The following L3MBTL4 variants were observed in gnomAD, a reference collection of about 807,000 sequenced individuals.
The protein encoded by L3MBTL4 is L3MBTL histone methyl-lysine binding protein 4, also known as lethal(3)malignant brain tumor-like protein 4.
Under a neutral mutation model 84.5 loss-of-function variants are expected in L3MBTL4, and 70 were observed. The observed-to-expected ratio is 0.83, with a 90% CI of 0.68 to 1.01. The LOEUF (loss-of-function observed/expected upper bound fraction) is 1.01, where lower values mean the gene tolerates loss of function less well. L3MBTL4 is among the 50% of genes least tolerant of loss of function. L3MBTL4 has a pLI of 0.00. For missense variants in L3MBTL4, 715 were observed against 754.8 expected (o/e 0.95, Z 0.62); for synonymous variants, 274 against 259.8 (o/e 1.05, Z -0.52).
intron 1 of L3MBTL4, among the ~76,000 whole-genome samples, chr18:6,334,656 G>A (rs2052234825): frequency 6.6e-6 from 1 of 152,030 alleles, no homozygotes; most frequent in Admixed American, 6.5e-5. Flanking sequence ...GCAGCTTACA[G>A]GCAATAATAT....
chr18:6,404,369 C>G (rs2055636271), intron 1 of L3MBTL4, among the ~76,000 whole-genome samples: 1 of 152,292 alleles, frequency 6.6e-6, no homozygotes, highest in African/African-American at 2.4e-5. Flanking sequence ...GCATAGGGGA[C>G]AAGTGCACCC....
rs192854637 is a variant in L3MBTL4 at position 6,117,767 on chromosome 18, T to C, written c.1199+20427A>G. Among the ~76,000 whole-genome samples, 1,158 of 152,344 alleles carry C rather than the reference T, an allele frequency of 7.6e-3. 5 individuals carry two copies. Among genetic ancestry groups the C allele is most frequent in the Non-Finnish European group, 0.013 (857 of 68,040 alleles). On this transcript the variant is annotated intron_variant, in intron 14 of 18. Transcript: ENST00000317931. ...TATTTGAAGTATCAAAAAAAGACAT[T>C]CTTAATAGATTATTAACAATAAAAC...
At chr18:6,263,821 C>A in intron 5 of L3MBTL4, 126 bp downstream of exon 5, 2 of 762,166 alleles carry the variant, frequency 2.6e-6, no homozygotes, top group South Asian at 1.5e-5. Flanking sequence ...TTTGTGGGGT[C>A]ATTTTCCAGC....
chr18:6,081,119 C>T (rs1021995559), intron 15 of L3MBTL4, 168 bp from the exon 16 acceptor site: 1 of 493,212 alleles, frequency 2.0e-6, no homozygotes, highest in Non-Finnish European at 3.5e-6. Context: ...ATTTTAAAAA[C>T]ACACTTCTGT....
At chr18:6,050,701 A>G (rs1255483687) in intron 16 of L3MBTL4, among the ~76,000 whole-genome samples, 1 of 152,080 alleles carries the variant, frequency 6.6e-6, no homozygotes, top group Non-Finnish European at 1.5e-5. Context: ...TCCGTTTTTT[A>G]ATGAAATTTT....
At chr18:6,350,188 T>A (rs1160431273) in intron 1 of L3MBTL4, among the ~76,000 whole-genome samples, 1 of 152,158 alleles carries the variant, frequency 6.6e-6, no homozygotes. Context: ...CCTCACGGCA[T>A]TGGATTTGGC....
At chr18:6,387,164 G>A (rs1408444694) in intron 1 of L3MBTL4, among the ~76,000 whole-genome samples, 1 of 152,174 alleles carries the variant, frequency 6.6e-6, no homozygotes, top group Non-Finnish European at 1.5e-5. Flanking sequence ...GGCTGGGCCT[G>A]ATCAAAAATC....
intron 16 of L3MBTL4, among the ~76,000 whole-genome samples, chr18:5,985,989 C>T (rs1447043686): frequency 6.6e-6 from 1 of 152,088 alleles, no homozygotes; most frequent in South Asian, 2.1e-4. Context: ...GACCAGCAAC[C>T]AGGGGTGCTG....
chr18:6,228,358 CA>C (rs1219019490), intron 10 of L3MBTL4, among the ~76,000 whole-genome samples: 1 of 151,810 alleles, frequency 6.6e-6, no homozygotes, highest in Non-Finnish European at 1.5e-5. Flanking sequence ...TCTTAGTACA[CA>C]AAAAAGCTGA....
intron 1 of L3MBTL4, among the ~76,000 whole-genome samples, chr18:6,344,589 A>T (rs776773059): frequency 1.3e-5 from 2 of 152,204 alleles, no homozygotes. Context: ...ATTCCAATAT[A>T]CTAAAATTAC....
intron 5 of L3MBTL4, among the ~76,000 whole-genome samples, chr18:6,246,227 T>G (rs922918082): frequency 1.3e-5 from 2 of 152,208 alleles, no homozygotes; most frequent in African/African-American, 4.8e-5. Context: ...ATTCAGAAAC[T>G]TGTTCTCTCT....
chr18:6,000,427 C>T (rs1226434710), intron 16 of L3MBTL4, among the ~76,000 whole-genome samples: 4 of 151,928 alleles, frequency 2.6e-5, no homozygotes, highest in Admixed American at 6.6e-5. Flanking sequence ...AGATGGAACT[C>T]GAAGGAGCAG....
intron 5 of L3MBTL4, among the ~76,000 whole-genome samples, chr18:6,254,593 C>A (rs1190543399): frequency 6.6e-6 from 1 of 151,990 alleles, no homozygotes; most frequent in Non-Finnish European, 1.5e-5. Flanking sequence ...GAACATTTTT[C>A]ATAGATTAAT....
chr18:6,182,772 C>T (rs1181875897), intron 12 of L3MBTL4, among the ~76,000 whole-genome samples: 1 of 140,646 alleles, frequency 7.1e-6, no homozygotes, highest in African/African-American at 2.8e-5. Flanking sequence ...AGCCAGTTAT[C>T]TCAGCACCAG....
intron 10 of L3MBTL4, among the ~76,000 whole-genome samples, chr18:6,222,079 T>C (rs1367823779): frequency 6.6e-6 from 1 of 152,228 alleles, no homozygotes; most frequent in Admixed American, 6.5e-5. Flanking sequence ...CCCTTTATTG[T>C]TTCAAAACAC....
chr18:6,396,710 A>G (rs1031989963), intron 1 of L3MBTL4: 3 of 152,250 alleles, frequency 2.0e-5, no homozygotes, highest in Non-Finnish European at 4.4e-5. Context: ...TATATCACCC[A>G]TTGGGGCAAT....
chr18:5,958,062 GAGAAGAAGA>G (rs563678931), intron 18 of L3MBTL4, among the ~76,000 whole-genome samples: 2,424 of 93,126 alleles, frequency 0.026, 41 homozygotes, highest in Middle Eastern at 0.052. Flanking sequence ...GAAGGAGAAG[GAGAAGAAGA>G]AGAAGAAGAA....
rs568802575 is a variant in L3MBTL4 at position 6,407,698 on chromosome 18, A to G, written c.-91+7103T>C. On this transcript the variant is annotated intron_variant, in intron 1 of 18. Transcript: ENST00000317931. ...GGAATTTTGTAAGATTTCTTTCCTG[A>G]GTAAGCTTGTCACTAGTTGACACAA... Among the ~76,000 whole-genome samples, 5 of 152,348 alleles carry G rather than the reference A, an allele frequency of 3.3e-5. No homozygotes were observed. In the South Asian group the frequency reaches 1.0e-3, roughly 32 times the overall value.
chr18:6,295,626 T>C (rs898053638), intron 4 of L3MBTL4, among the ~76,000 whole-genome samples: 2 of 152,116 alleles, frequency 1.3e-5, no homozygotes, highest in African/African-American at 4.8e-5. Context: ...TACTGAAAAC[T>C]ACTTGTTAGA....
Sources: allele counts gnomAD v4.1 joint callset (sites outside exome capture counted in the v4.1 genomes callset), GRCh38; gene constraint gnomAD v4.1.1; transcripts MANE v1.5; gene names NCBI Gene and HGNC (gene_info 2026-07-23, HGNC 2026-07-21).